Variants in CSMD1 observed in about 807,000 individuals in gnomAD.
CSMD1 encodes CUB and Sushi multiple domains 1, also known as CUB and sushi domain-containing protein 1.
A neutral mutation model predicts 417.5 loss-of-function variants in CSMD1; 213 were observed. That is an observed-to-expected ratio of 0.51 (90% CI 0.46 to 0.57). The LOEUF is 0.57. Among genes scored for constraint, CSMD1 ranks in the 20% least tolerant of loss-of-function variants. CSMD1 has a pLI of 0.00. For missense variants in CSMD1, 6,923 were observed against 4,529.7 expected, an observed-to-expected ratio of 1.53 and a Z score of -15.17; for synonymous variants, 2,862 against 1,736.8, an observed-to-expected ratio of 1.65 and a Z score of -16.11.
intron 37 of CSMD1, among the ~76,000 whole-genome samples, chr8:3,179,093 C>T (rs898450406): frequency 6.6e-6 from 1 of 150,542 alleles, no homozygotes; most frequent in Non-Finnish European, 1.5e-5. Context: ...GACTACAGGC[C>T]CGCCACCACG....
At chr8:3,113,913 T>C (rs1420150935) in intron 42 of CSMD1, among the ~76,000 whole-genome samples, 1 of 152,124 alleles carries the variant, frequency 6.6e-6, no homozygotes, top group Non-Finnish European at 1.5e-5. Context: ...TAAGTGATAT[T>C]ACATCAAATT....
intron 15 of CSMD1, among the ~76,000 whole-genome samples, chr8:3,400,700 A>T (rs183564129): frequency 6.2e-4 from 94 of 152,068 alleles, no homozygotes; most frequent in African/African-American, 2.2e-3. Flanking sequence ...TCTGTTATAA[A>T]TGTAATAAAA....
Position 4,623,341 on chromosome 8 carries a change from A to G in CSMD1, c.302+14001T>C, listed in dbSNP as rs140729550. ...AAACTAAAAAGGCTGAGTACACTAA[A>G]TATAGCAAAAACATACAACAACTAA... is the stretch of plus-strand genomic sequence containing the variant. On this transcript the variant is annotated intron_variant, in intron 2 of 69. Coordinates refer to ENST00000635120, the MANE Select transcript of CSMD1 (RefSeq NM_033225.6). Among the ~76,000 whole-genome samples, 345 of 152,292 alleles carry G rather than the reference A, an allele frequency of 2.3e-3. 1 individual carries two copies. The highest frequency in any genetic ancestry group is 7.9e-3 in the African/African-American group (329 of 41,562).
intron 26 of CSMD1, among the ~76,000 whole-genome samples, chr8:3,242,236 T>C (rs1272273022): frequency 6.6e-6 from 1 of 151,302 alleles, no homozygotes; most frequent in Admixed American, 6.6e-5. Flanking sequence ...GATAAAAGGA[T>C]TATAGAGTGG....
intron 29 of CSMD1, among the ~76,000 whole-genome samples, chr8:3,218,078 T>C (rs1797983883): frequency 6.6e-6 from 1 of 152,126 alleles, no homozygotes; most frequent in Admixed American, 6.5e-5. Context: ...TTGAAGGTGG[T>C]TTTTCAGGTC....
chr8:3,439,302 TATATA>T (rs1388083515), intron 12 of CSMD1, among the ~76,000 whole-genome samples: 2,809 of 49,620 alleles, frequency 0.057, 148 homozygotes, highest in Middle Eastern at 0.094. Flanking sequence ...TATATATATA[TATATA>T]TATTTTTTTT....
chr8:3,875,757 G>T (rs1231322443), intron 5 of CSMD1, among the ~76,000 whole-genome samples: 2 of 152,176 alleles, frequency 1.3e-5, no homozygotes, highest in Non-Finnish European at 2.9e-5. Flanking sequence ...AATGGAGACA[G>T]CCAGTGAAGA....
intron 3 of CSMD1, among the ~76,000 whole-genome samples, chr8:4,269,220 C>T (rs1256825100): frequency 6.6e-6 from 1 of 152,112 alleles, no homozygotes; most frequent in African/African-American, 2.4e-5. Context: ...CCACACCCGG[C>T]TAATTTTTGT....
chr8:4,643,064 C>G (rs1274794451), intron 1 of CSMD1, among the ~76,000 whole-genome samples: 2 of 152,096 alleles, frequency 1.3e-5, no homozygotes, highest in Non-Finnish European at 2.9e-5. Context: ...CATTTGAAAG[C>G]GTATATAGAT....
intron 7 of CSMD1, among the ~76,000 whole-genome samples, chr8:3,686,623 G>C (rs1006098773): frequency 6.6e-6 from 1 of 152,150 alleles, no homozygotes; most frequent in African/African-American, 2.4e-5. Context: ...GAAAACTGAA[G>C]CCCAGGGATA....
chr8:3,301,299 G>T (rs1406076885), intron 25 of CSMD1, among the ~76,000 whole-genome samples: 1 of 152,130 alleles, frequency 6.6e-6, no homozygotes, highest in African/African-American at 2.4e-5. Flanking sequence ...ACCCAGCGAA[G>T]GAACCAGGTG....
intron 3 of CSMD1, among the ~76,000 whole-genome samples, chr8:4,292,005 G>A (rs550795212): frequency 3.9e-5 from 6 of 152,230 alleles, no homozygotes; most frequent in East Asian, 1.9e-4. Flanking sequence ...GAGTGAGTTT[G>A]TTGCATAGAT....
intron 1 of CSMD1, among the ~76,000 whole-genome samples, chr8:4,971,049 C>G (rs77633484): frequency 0.011 from 1,716 of 152,098 alleles, 31 homozygotes; most frequent in African/African-American, 0.038. Flanking sequence ...TTAGTCTTAA[C>G]TAACTTTGGT....
chr8:3,592,974 A>C (rs1214504172), intron 8 of CSMD1, among the ~76,000 whole-genome samples: 1 of 152,182 alleles, frequency 6.6e-6, no homozygotes, highest in Admixed American at 6.5e-5. Flanking sequence ...CCCTCCCCGC[A>C]GGCACCCCAT....
rs75372087 is a variant in CSMD1 at position 3,030,350 on chromosome 8, C to T, written c.7661-837G>A. On this transcript the variant is annotated intron_variant, in intron 50 of 69. Transcript: ENST00000635120. Reference sequence around the variant, plus strand: ...TTCTCTAATTACGAAGATTTAGTAGCTATCATTCATTAAAATCAACCACCA... The same window carrying T: ...TTCTCTAATTACGAAGATTTAGTAGTTATCATTCATTAAAATCAACCACCA... Among the ~76,000 whole-genome samples, 689 of 152,068 alleles carry T rather than the reference C, an allele frequency of 4.5e-3. 19 individuals are homozygous for T. In the East Asian group the frequency reaches 0.078, roughly 17 times the overall value.
chr8:3,842,108 AT>A lies in CSMD1; in HGVS notation c.819-88067del, dbSNP rs527897062. Among the ~76,000 whole-genome samples, 14 of 152,332 alleles carry A rather than the reference AT, an allele frequency of 9.2e-5. No individual in the cohort carries two copies. In the East Asian group the frequency reaches 2.7e-3, roughly 29 times the overall value. On this transcript the variant is annotated intron_variant, in intron 5 of 69. Transcript: ENST00000635120. ...GTAACTGGAAAACACACATGCCTTC[AT>A]TCTGCCTAATTCAACCCCGATCTCT...
chr8:3,701,294 A>C (rs2469380), intron 7 of CSMD1, among the ~76,000 whole-genome samples: 4,861 of 152,200 alleles, frequency 0.032, 213 homozygotes, highest in African/African-American at 0.1. Context: ...AATATGAGTG[A>C]GCTGGTTTTC....
At chr8:4,347,473 G>C (rs1042834021) in intron 3 of CSMD1, among the ~76,000 whole-genome samples, 1 of 152,130 alleles carries the variant, frequency 6.6e-6, no homozygotes, top group Non-Finnish European at 1.5e-5. Context: ...CTATGAAGAA[G>C]AAGGAAATTG....
intron 50 of CSMD1, among the ~76,000 whole-genome samples, chr8:3,035,449 G>T (rs546023642): frequency 6.6e-6 from 1 of 152,098 alleles, no homozygotes; most frequent in Non-Finnish European, 1.5e-5. Flanking sequence ...CCATCTGTGG[G>T]TCTCACATCA....
Sources: gnomAD v4.1 joint callset for allele counts (sites outside exome capture counted in the v4.1 genomes callset) on GRCh38, gnomAD v4.1.1 for gene constraint, MANE v1.5 for transcripts, NCBI Gene and HGNC (gene_info 2026-07-23, HGNC 2026-07-21) for gene names.